MPP4: variants seen among roughly 807,000 people sequenced by gnomAD.
MPP4 encodes MAGUK p55 subfamily member 4.
In MPP4, 91 loss-of-function variants were observed where a neutral mutation model predicts 98.3. The observed-to-expected ratio is 0.93, with a 90% CI of 0.78 to 1.10. MPP4 has a LOEUF of 1.10. Ranked by LOEUF, MPP4 falls within the 50% of genes least tolerant of loss-of-function variation. The probability of loss-of-function intolerance (pLI) is 0.00; values close to 1 mark genes in which losing one functional copy is unlikely to be tolerated. For missense variants in MPP4, 744 were observed against 792.9 expected, an observed-to-expected ratio of 0.94 and a Z score of 0.74; for synonymous variants, 261 against 271.8, an observed-to-expected ratio of 0.96 and a Z score of 0.39.
intron 1 of MPP4, among the ~76,000 whole-genome samples, 182 bp from the exon 2 acceptor site, chr2:201,694,236 T>G (rs941638752): frequency 1.3e-5 from 2 of 152,202 alleles, no homozygotes; most frequent in Non-Finnish European, 2.9e-5. Context: ...TTAAACACAT[T>G]TTTTAGCCTT....
At chr2:201,678,539 A>G (rs939854333) in intron 10 of MPP4, among the ~76,000 whole-genome samples, 1 of 151,992 alleles carries the variant, frequency 6.6e-6, no homozygotes, top group Non-Finnish European at 1.5e-5. Context: ...TGCTGGTGAA[A>G]TAGCTCTGGG....
rs1476409592 is a variant in MPP4, at chr2:201,645,373, G to C, written c.1751C>G (p.Ala584Gly). 1.9e-6 allele frequency: 3 copies of C among 1,613,906 alleles called. No individual in the cohort carries two copies. Among genetic ancestry groups the C allele is most frequent in the Non-Finnish European group, 2.5e-6 (3 of 1,179,840 alleles). Residue 584 changes from alanine (A) to glycine (G), a missense_variant, in exon 22 of 22, where the codon GCC (alanine) becomes GGC (glycine). Transcript: ENST00000409474. The stretch of plus-strand genomic sequence containing the variant: ...GCCAAACTGAGTTTCCATTCTTTGG[G>C]CTAAATTTTCCATCTCTTGTAGGTC... ...DEDLQEMENL[A>G]QRMETQFGQF...
Position 201,654,878 on chromosome 2 carries a change from A to C in MPP4, c.1340T>G (p.Leu447Arg), listed in dbSNP as rs1255921416. Residue 447 changes from leucine to arginine, a missense_variant, in exon 18 of 22, where the codon CTT (leucine) becomes CGT (arginine). Physicochemically the swap from Leu to Arg is moderately radical, Grantham distance 102 (BLOSUM62 -2). Coordinates refer to ENST00000409474, the MANE Select transcript of MPP4 (RefSeq NM_033066.3). ...GVGVNELRRQ[L>R]IEFNPSHFQS... ...AAAATGGCTGGGATTAAATTCAATA[A>C]GTTGTCTTCTGAGCTCATTTACTCC... 6.2e-7 allele frequency: 1 copy of C among 1,605,966 alleles called. No individual in the cohort carries two copies. Among genetic ancestry groups the C allele is most frequent in the East Asian group, 2.2e-5 (1 of 44,722 alleles).
intron 1 of MPP4, among the ~76,000 whole-genome samples, chr2:201,697,026 C>CCTT (rs1689207281): frequency 6.6e-6 from 1 of 152,066 alleles, no homozygotes; most frequent in East Asian, 1.9e-4. Flanking sequence ...TGGGAGGTAA[C>CCTT]TGGGTTAAGG....
At chr2:201,657,590 G>GT (rs929926346) in intron 16 of MPP4, among the ~76,000 whole-genome samples, 1,845 of 91,030 alleles carry the variant, frequency 0.02, 164 homozygotes, top group African/African-American at 0.065. Flanking sequence ...CCTGGCCCTT[G>GT]TTTTTTTTTT....
intron 7 of MPP4, 117 bp from the exon 8 acceptor site, chr2:201,683,033 T>C (rs1688707858): frequency 1.5e-6 from 1 of 663,852 alleles, no homozygotes; most frequent in South Asian, 2.1e-5. Context: ...AAATGTTTAA[T>C]ATAAAATAAT....
chr2:201,662,337 C>T (rs1688051934), intron 14 of MPP4, among the ~76,000 whole-genome samples: 1 of 150,104 alleles, frequency 6.7e-6, no homozygotes, highest in African/African-American at 2.4e-5. Context: ...CCCGTCTCTA[C>T]TAAAAATACA....
chr2:201,659,858 T>A (rs1294309190), intron 15 of MPP4, among the ~76,000 whole-genome samples: 1 of 152,106 alleles, frequency 6.6e-6, no homozygotes, highest in Non-Finnish European at 1.5e-5. Context: ...ATATAAAATA[T>A]AAAGAGCATT....
intron 8 of MPP4, 90 bp downstream of exon 8, chr2:201,682,741 C>T (rs886416803): frequency 9.2e-7 from 1 of 1,087,632 alleles, no homozygotes; most frequent in Non-Finnish European, 1.4e-6. Flanking sequence ...GTCCCCGGTA[C>T]ATCCCAGTGC....
chr2:201,682,883 A>G lies in MPP4; in HGVS notation c.608T>C (p.Val203Ala). ...LLYAGDKLVE[V>A]NGVSVEGLDP... The stretch of plus-strand genomic sequence containing the variant: ...CAGTCCCTCAACTGAAACTCCATTC[A>G]CTTCTACCAGTTTGTCTCCAGCATA... The change falls in exon 8 of 22, where the codon GTG (valine) becomes GCG (alanine). Residue 203 changes from valine (V) to alanine (A), a missense_variant. Val to Ala is a moderately conservative substitution (Grantham distance 64, BLOSUM62 0). Coordinates refer to ENST00000409474, the MANE Select transcript of MPP4 (RefSeq NM_033066.3). The G allele has an allele frequency of 1.2e-6, 2 of 1,614,004 alleles. No individual in the cohort carries two copies.
Position 201,660,486 on chromosome 2 carries a change from G to A in MPP4, c.1073-140C>T, listed in dbSNP as rs186992273. The A allele has an allele frequency of 9.0e-6, 8 of 884,416 alleles. No homozygotes were observed. The Admixed American group carries it at 1.3e-4, about 15-fold the overall frequency. 54.8% of individuals were successfully genotyped at this position (884,416 alleles called of 1,614,324 possible). ...GCAAAAGGTAACTCGGGTAAGGCCTGGCAAGGCAAATGATCACCACATGAT... is the reference window on the plus strand; with the variant it reads ...GCAAAAGGTAACTCGGGTAAGGCCTAGCAAGGCAAATGATCACCACATGAT... On this transcript the variant is annotated intron_variant, in intron 14 of 21. Transcript: ENST00000409474.
At chr2:201,657,985 G>A (rs1255916155) in intron 16 of MPP4, among the ~76,000 whole-genome samples, 4 of 132,374 alleles carry the variant, frequency 3.0e-5, no homozygotes, top group South Asian at 2.4e-4. Flanking sequence ...TTTTTTTCAC[G>A]CTCCCCTGAT....
At chr2:201,651,138 G>A (rs957253064) in intron 18 of MPP4, 11 of 985,194 alleles carry the variant, frequency 1.1e-5, no homozygotes, top group Non-Finnish European at 1.3e-5. Context: ...TTGTGTATTT[G>A]CATCTGACAA....
intron 11 of MPP4, among the ~76,000 whole-genome samples, chr2:201,672,772 C>CG: frequency 6.6e-6 from 1 of 151,572 alleles, no homozygotes; most frequent in Admixed American, 6.6e-5. Context: ...GCCTACCAAC[C>CG]AAAAAAAAGC....
chr2:201,687,589 A>G (rs1176461874), intron 4 of MPP4, among the ~76,000 whole-genome samples: 1 of 152,206 alleles, frequency 6.6e-6, no homozygotes, highest in Non-Finnish European at 1.5e-5. Flanking sequence ...AGAATTCAAG[A>G]GTTGAGATGG....
Position 201,693,889 on chromosome 2 carries a change from G to C in MPP4, c.66C>G (p.Thr22=). 1 of 1,613,944 alleles carries C rather than the reference G, an allele frequency of 6.2e-7. No homozygotes were observed. Among genetic ancestry groups the C allele is most frequent in the South Asian group, 1.1e-5 (1 of 91,080 alleles). ...GGTGACACATACCATTCTGTGGATT[G>C]GTGGCTGTAGAAAGCTTCATGTCCT... The part of the protein sequence containing the change: ...DKKDMKLSTA[T]NPQNGLSQIL... Residue 22 remains threonine, a synonymous_variant, in exon 2 of 22, where the codon ACC becomes ACG. Coordinates refer to ENST00000409474, the MANE Select transcript of MPP4 (RefSeq NM_033066.3).
intron 20 of MPP4, among the ~76,000 whole-genome samples, chr2:201,649,183 C>A (rs1687649788): frequency 6.6e-6 from 1 of 152,130 alleles, no homozygotes; most frequent in Non-Finnish European, 1.5e-5. Context: ...AACTTGCTCA[C>A]CCCTGCTCCA....
At chr2:201,685,232 TC>T in intron 6 of MPP4, 87 bp from the exon 7 acceptor site, 1 of 284,456 alleles carries the variant, frequency 3.5e-6, no homozygotes, top group Non-Finnish European at 5.3e-6. Context: ...CTCTGGTCTT[TC>T]AATCAATGCA....
intron 12 of MPP4, among the ~76,000 whole-genome samples, chr2:201,668,611 C>T (rs1688250317): frequency 6.6e-6 from 1 of 152,162 alleles, no homozygotes; most frequent in Non-Finnish European, 1.5e-5. Context: ...CAGAAACCAA[C>T]CCTGCTGGAA....
Sources: allele counts gnomAD v4.1 joint callset (sites outside exome capture counted in the v4.1 genomes callset), GRCh38; gene constraint gnomAD v4.1.1; transcripts MANE v1.5; gene names NCBI Gene and HGNC (gene_info 2026-07-23, HGNC 2026-07-21).